The following KIAA1217 variants were observed in gnomAD, a reference collection of about 807,000 sequenced individuals.
KIAA1217 encodes sickle tail protein homolog.
KIAA1217 carries 88 observed loss-of-function variants against 163.9 expected under a neutral mutation model. The ratio of observed to expected loss-of-function variants is 0.54; its 90% CI spans 0.45 to 0.64. The LOEUF (loss-of-function observed/expected upper bound fraction) is 0.64, where lower values mean the gene tolerates loss of function less well. KIAA1217 is among the 30% of genes least tolerant of loss of function. The pLI, the probability that KIAA1217 is intolerant of heterozygous loss-of-function variation, is 0.00. For missense variants in KIAA1217, 2,372 were observed against 2,475.0 expected, an observed-to-expected ratio of 0.96 and a Z score of 0.88; for synonymous variants, 903 against 923.1, an observed-to-expected ratio of 0.98 and a Z score of 0.39.
chr10:24,340,066 C>T (rs530820889), intron 2 of KIAA1217, among the ~76,000 whole-genome samples: 1 of 152,302 alleles, frequency 6.6e-6, no homozygotes, highest in East Asian at 1.9e-4. Context: ...GTCTAACCAT[C>T]CAACTGGGAC....
In KIAA1217 at chr10:23,960,536, C is replaced by G. The variant is rs1267440671; in HGVS notation, c.-320-46689C>G. 2.0e-5 allele frequency among the ~76,000 whole-genome samples: 3 copies of G among 151,336 alleles called. No individual in the cohort carries two copies. The South Asian group carries it at 6.3e-4, about 32-fold the overall frequency. On this transcript the variant is annotated intron_variant, in intron 1 of 18. Coordinates refer to the KIAA1217 transcript ENST00000376462. ...CCTCCCAAAGTGCTGGGATTACAGG[C>G]GTGAGCCACCACGCCTGGCTACGTT...
At chr10:24,323,832 T>TGTGTGTGTGTGTGTG (rs2044498544) in intron 2 of KIAA1217, among the ~76,000 whole-genome samples, 2 of 141,992 alleles carry the variant, frequency 1.4e-5, no homozygotes, top group African/African-American at 5.1e-5. Flanking sequence ...TGTGTGTGTG[T>TGTGTGTGTGTGTGTG]TTGACTAACT....
At chr10:24,258,409 G>A (rs2075380897) in intron 2 of KIAA1217, among the ~76,000 whole-genome samples, 1 of 152,092 alleles carries the variant, frequency 6.6e-6, no homozygotes, top group South Asian at 2.1e-4. Flanking sequence ...TGGAGGAAGT[G>A]AGGGGTGACT....
At chr10:24,367,185 G>A in intron 2 of KIAA1217, 3 of 984,868 alleles carry the variant, frequency 3.0e-6, no homozygotes, top group Non-Finnish European at 2.4e-6. Flanking sequence ...GATGAAAATT[G>A]AATCGTCTCA....
At chr10:24,157,787 A>G (rs1213980277) in intron 2 of KIAA1217, 1 of 383,970 alleles carries the variant, frequency 2.6e-6, no homozygotes, top group African/African-American at 2.1e-5. Context: ...AGCAACTGGT[A>G]CTCTCATATG....
chr10:24,177,649 A>G (rs951125493), intron 2 of KIAA1217, among the ~76,000 whole-genome samples: 2 of 151,980 alleles, frequency 1.3e-5, no homozygotes, highest in Admixed American at 1.3e-4. Flanking sequence ...ATGACAGTTT[A>G]AAAATCTCAA....
chr10:24,283,568 G>A lies in KIAA1217; in HGVS notation c.354+63659G>A, dbSNP rs1454560735. ...TGTAGTCCCAGCTACTCAGGAGGCC[G>A]AGCATGAGAATCACTTGAACACAGG... On this transcript the variant is annotated intron_variant, in intron 2 of 20. Transcript: ENST00000376454. 2.0e-5 allele frequency among the ~76,000 whole-genome samples: 3 copies of A among 152,230 alleles called. No homozygotes were observed. The East Asian group carries it at 5.8e-4, about 30-fold the overall frequency.
At chr10:23,783,206 A>G (rs1001504332) in intron 1 of KIAA1217, among the ~76,000 whole-genome samples, 1 of 151,944 alleles carries the variant, frequency 6.6e-6, no homozygotes, top group African/African-American at 2.4e-5. Flanking sequence ...AAAAATTGCA[A>G]AAAAATCTCA....
chr10:23,949,581 A>AT (rs201392281), intron 1 of KIAA1217, among the ~76,000 whole-genome samples: 4,324 of 152,126 alleles, frequency 0.028, 205 homozygotes, highest in African/African-American at 0.096. Flanking sequence ...AGACAGGAAC[A>AT]TTTTTTTCTT....
At chr10:24,243,627 T>G (rs1000313506) in intron 2 of KIAA1217, among the ~76,000 whole-genome samples, 1 of 148,840 alleles carries the variant, frequency 6.7e-6, no homozygotes, top group Non-Finnish European at 1.5e-5. Flanking sequence ...GTGTAGAATA[T>G]TCACATATAT....
intron 3 of KIAA1217, among the ~76,000 whole-genome samples, chr10:24,396,917 A>T (rs2055842329): frequency 6.6e-6 from 1 of 152,138 alleles, no homozygotes; most frequent in Non-Finnish European, 1.5e-5. Context: ...TTTGGAACAG[A>T]CTAAAGGCAG....
At chr10:23,705,633 A>G (rs1005119200) in intron 1 of KIAA1217, among the ~76,000 whole-genome samples, 1 of 152,126 alleles carries the variant, frequency 6.6e-6, no homozygotes, top group African/African-American at 2.4e-5. Flanking sequence ...ATTATCTTGG[A>G]TACTGTAGCT....
At chr10:24,321,800 G>A (rs2044196631) in intron 2 of KIAA1217, among the ~76,000 whole-genome samples, 1 of 152,144 alleles carries the variant, frequency 6.6e-6, no homozygotes, top group African/African-American at 2.4e-5. Context: ...TGGGTGTGCA[G>A]TTTCAGTTTT....
chr10:24,455,931 C>T (rs1040456337), intron 5 of KIAA1217, among the ~76,000 whole-genome samples: 3 of 152,198 alleles, frequency 2.0e-5, no homozygotes, highest in African/African-American at 7.2e-5. Context: ...CTCTGTTGCC[C>T]AGGCTGGAGT....
intron 2 of KIAA1217, among the ~76,000 whole-genome samples, chr10:24,187,762 T>G (rs1305948798): frequency 6.6e-6 from 1 of 151,678 alleles, no homozygotes; most frequent in Non-Finnish European, 1.5e-5. Context: ...CAGTGGCACA[T>G]GCCTATAATC....
At chr10:23,725,033 A>G (rs1175179439) in intron 1 of KIAA1217, among the ~76,000 whole-genome samples, 1 of 152,122 alleles carries the variant, frequency 6.6e-6, no homozygotes, top group African/African-American at 2.4e-5. Flanking sequence ...CCAAAACTTT[A>G]TGACAACCTT....
chr10:23,890,084 A>C (rs181999692), intron 1 of KIAA1217, among the ~76,000 whole-genome samples: 2 of 151,870 alleles, frequency 1.3e-5, no homozygotes, highest in East Asian at 3.9e-4. Context: ...ATCATCTGGA[A>C]AACTTTAGTT....
intron 1 of KIAA1217, among the ~76,000 whole-genome samples, chr10:23,913,368 T>G (rs1375979170): frequency 6.6e-6 from 1 of 151,978 alleles, no homozygotes; most frequent in Non-Finnish European, 1.5e-5. Context: ...TTTACCGTGT[T>G]GTTTTTTTGT....
At chr10:24,037,388 G>A (rs1848440036) in intron 2 of KIAA1217, among the ~76,000 whole-genome samples, 1 of 152,218 alleles carries the variant, frequency 6.6e-6, no homozygotes, top group Non-Finnish European at 1.5e-5. Flanking sequence ...TACTCAGGAG[G>A]ATGAGGCATG....
Sources: gnomAD v4.1 joint callset for allele counts (sites outside exome capture counted in the v4.1 genomes callset) on GRCh38, gnomAD v4.1.1 for gene constraint, MANE v1.5 for transcripts, NCBI Gene and HGNC (gene_info 2026-07-23, HGNC 2026-07-21) for gene names.